ABCA5: variants seen among roughly 807,000 people sequenced by gnomAD.
ABCA5 encodes the protein ATP binding cassette subfamily A member 5.
A neutral mutation model predicts 206.0 loss-of-function variants in ABCA5; 163 were observed. The ratio of observed to expected loss-of-function variants is 0.79; its 90% CI spans 0.70 to 0.90. The LOEUF is 0.90. ABCA5 is among the 40% of genes least tolerant of loss of function. ABCA5 has a pLI of 0.00. For synonymous variants in ABCA5, 609 were observed against 613.8 expected (o/e 0.99, Z 0.11); for missense variants, 1,859 against 1,912.9 (o/e 0.97, Z 0.53).
rs1555584104 is a variant in ABCA5 at position 69,303,807 on chromosome 17, T to TACAC, written c.930+861_930+862insGTGT. On this transcript the variant is annotated intron_variant, in intron 7 of 38. Coordinates refer to ENST00000392676, the MANE Select transcript of ABCA5 (RefSeq NM_172232.4). ...AAAAATATATATATATATATATATA[T>TACAC]ACATACATATATATATATGTATATA... 4.4e-3 allele frequency among the ~76,000 whole-genome samples: 23 copies of TACAC among 5,224 alleles called. 7 individuals are homozygous for TACAC. The South Asian group carries it at 0.094, about 21-fold the overall frequency. 3.4% of individuals were successfully genotyped at this position (5,224 alleles called of 152,430 possible).
intron 23 of ABCA5, among the ~76,000 whole-genome samples, chr17:69,267,508 A>G (rs1232921377): frequency 6.6e-6 from 1 of 152,168 alleles, no homozygotes; most frequent in Non-Finnish European, 1.5e-5. Flanking sequence ...TTTTTCCATT[A>G]ATAAGAATTT....
In ABCA5 at chr17:69,304,682, T is replaced by C. The variant is rs1425313699; in HGVS notation, c.917A>G (p.Tyr306Cys). ...SIVIFLLFFL[Y>C]GLSSVFFALM... ...TAAAATACTTACAGATGATAATCCA[T>C]AAAGGAAAAAAAGCAGAAATATCAC... Residue 306 changes from tyrosine to cysteine, a missense_variant, in exon 7 of 39, where the codon TAT becomes TGT. Transcript: ENST00000392676. 6.3e-7 allele frequency: 1 copy of C among 1,587,560 alleles called. No individual in the cohort carries two copies. Among genetic ancestry groups the C allele is most frequent in the South Asian group, 1.2e-5 (1 of 86,072 alleles).
At chr17:69,318,838 T>A in intron 1 of ABCA5, 1 of 705,726 alleles carries the variant, frequency 1.4e-6, no homozygotes, top group Admixed American at 1.8e-5. Flanking sequence ...GGGGATTTGA[T>A]CCCTTTATGA....
At position 69,313,128 on chromosome 17, in the gene ABCA5, T is replaced by G; in HGVS notation, c.271A>C (p.Ile91Leu). 1 of 1,611,734 alleles carries G rather than the reference T, an allele frequency of 6.2e-7. No homozygotes were observed. The highest frequency in any genetic ancestry group is 8.5e-7 in the Non-Finnish European group (1 of 1,178,688). The change falls in exon 3 of 39, where the codon ATC (isoleucine) becomes CTC (leucine). Residue 91 changes from isoleucine (I) to leucine (L), a missense_variant. Ile to Leu is a conservative substitution (Grantham distance 5, BLOSUM62 2). Coordinates refer to ENST00000392676, the MANE Select transcript of ABCA5 (RefSeq NM_172232.4). Reference sequence around the variant, plus strand: ...TGATCAGTAGACACTTTCTGCATGATGCTGCTTGTAATATTAGTCACTGGA... The same window carrying G: ...TGATCAGTAGACACTTTCTGCATGAGGCTGCTTGTAATATTAGTCACTGGA... Reference protein sequence around the residue: ...YTPVTNITSSIMQKVSTDHLP... With the variant: ...YTPVTNITSSLMQKVSTDHLP...
intron 31 of ABCA5, among the ~76,000 whole-genome samples, chr17:69,254,808 G>A (rs1484217534): frequency 6.6e-6 from 1 of 152,110 alleles, no homozygotes; most frequent in African/African-American, 2.4e-5. Context: ...ACAGGAATGA[G>A]CCACTGCACC....
chr17:69,298,328 A>AAGGAAGGAAGGG lies in ABCA5; in HGVS notation c.1268-970_1268-969insCCCTTCCTTCCT, dbSNP rs1186647584. Among the ~76,000 whole-genome samples the AAGGAAGGAAGGG allele has an allele frequency of 1.3e-5, 2 of 148,832 alleles. 1 individual carries two copies. Among genetic ancestry groups the AAGGAAGGAAGGG allele is most frequent in the Non-Finnish European group, 3.0e-5 (2 of 66,808 alleles). The stretch of plus-strand genomic sequence containing the variant: ...AGAAAGAGAGAGAGAGGAAGGAAGG[A>AAGGAAGGAAGGG]AGGAAGGAAGGAAGGAAGGAAAGAA... On this transcript the variant is annotated intron_variant, in intron 9 of 38. Transcript: ENST00000392676.
chr17:69,277,498 T>C, intron 19 of ABCA5, 143 bp downstream of exon 19: 1 of 618,364 alleles, frequency 1.6e-6, no homozygotes, highest in Non-Finnish European at 2.6e-6. Flanking sequence ...TTTTTTTCTC[T>C]AACATTGTGA....
At chr17:69,280,275 A>G (rs1327398102) in intron 18 of ABCA5, among the ~76,000 whole-genome samples, 1 of 152,372 alleles carries the variant, frequency 6.6e-6, no homozygotes, top group African/African-American at 2.4e-5. Context: ...CAAAAGACAC[A>G]TGAAAAAACG....
chr17:69,274,494 G>T (rs982777971), intron 19 of ABCA5, among the ~76,000 whole-genome samples: 1 of 151,724 alleles, frequency 6.6e-6, no homozygotes, highest in Non-Finnish European at 1.5e-5. Context: ...AAAGTGCTGG[G>T]ATTGCAGGTG....
intron 9 of ABCA5, 73 bp from the exon 10 acceptor site, chr17:69,297,432 A>G: frequency 1.4e-6 from 2 of 1,394,680 alleles, no homozygotes; most frequent in Non-Finnish European, 9.8e-7. Flanking sequence ...TTTCAAACAT[A>G]TGACAACCTG....
chr17:69,319,676 G>A (rs890041457), intron 1 of ABCA5, among the ~76,000 whole-genome samples: 1 of 152,120 alleles, frequency 6.6e-6, no homozygotes, highest in African/African-American at 2.4e-5. Flanking sequence ...CTTACTCTAA[G>A]CTTTCTTCTA....
intron 18 of ABCA5, among the ~76,000 whole-genome samples, chr17:69,280,124 A>G (rs2075375822): frequency 6.6e-6 from 1 of 152,104 alleles, no homozygotes; most frequent in African/African-American, 2.4e-5. Context: ...AAATGTTCGC[A>G]ACCTACTCAT....
intron 34 of ABCA5, among the ~76,000 whole-genome samples, chr17:69,252,653 T>C (rs1255567446): frequency 1.3e-5 from 2 of 151,928 alleles, no homozygotes; most frequent in Non-Finnish European, 2.9e-5. Context: ...CTGGCCAACA[T>C]GGTGAAACCC....
At chr17:69,270,571 T>C in intron 22 of ABCA5, 42 bp downstream of exon 22, 2 of 1,507,596 alleles carry the variant, frequency 1.3e-6, no homozygotes, top group Non-Finnish European at 1.8e-6. Context: ...ATTATATATA[T>C]GACATGCATA....
rs1448128050 is a variant in ABCA5, at chr17:69,327,042, C to A, written c.-16+10G>T. On this transcript the variant is annotated intron_variant, in intron 1 of 38. Transcript: ENST00000392676. ...TCAAGCGCCGCCGCCGCCCGCGACG[C>A]CCGCCTCACCTCAGGGCCCGAGCCG... 2 of 158,006 alleles carry A rather than the reference C, an allele frequency of 1.3e-5. No individual in the cohort carries two copies. The highest frequency in any genetic ancestry group is 2.8e-5 in the Non-Finnish European group (2 of 72,572). 9.8% of individuals were successfully genotyped at this position (158,006 alleles called of 1,614,324 possible). A position where few individuals can be genotyped will look rare whatever the true frequency, so the allele number is the denominator to read the frequency against.
chr17:69,250,770 T>C, intron 35 of ABCA5, 149 bp from the exon 36 acceptor site: 1 of 468,410 alleles, frequency 2.1e-6, no homozygotes, highest in Non-Finnish European at 3.5e-6. Flanking sequence ...ACACTCTTTA[T>C]CCGGTTTCAG....
rs538065050 is a variant in ABCA5 at position 69,287,016 on chromosome 17, T to C, written c.2041+597A>G. Among the ~76,000 whole-genome samples the C allele has an allele frequency of 3.3e-5, 5 of 152,342 alleles. No homozygotes were observed. In the South Asian group the frequency reaches 1.0e-3, roughly 32 times the overall value. On this transcript the variant is annotated intron_variant, in intron 15 of 38. Coordinates refer to ENST00000392676, the MANE Select transcript of ABCA5 (RefSeq NM_172232.4). ...AACTTGGATTTGGGAGGGTTCCTAC[T>C]ATTCTCAAAACAGGTAAGAGTGGCT...
intron 1 of ABCA5, among the ~76,000 whole-genome samples, chr17:69,318,071 G>C (rs544911837): frequency 8.2e-4 from 124 of 151,958 alleles, no homozygotes; most frequent in African/African-American, 2.9e-3. Flanking sequence ...ACCATCTGTT[G>C]CAAGCTGGAA....
At position 69,251,778 on chromosome 17, in the gene ABCA5, G is replaced by T. The variant is rs747058800; in HGVS notation, c.4504C>A (p.Arg1502=). ...TGCCCAGACACCATGATAGCTACTC[G>T]ATCACAGACAGCCTCTGCCTCCTCC... ...YMEEAEAVCD[R]VAIMVSGQLR... The change falls in exon 35 of 39, where the codon CGA becomes AGA. Residue 1502 remains arginine, a synonymous_variant. Coordinates refer to ENST00000392676, the MANE Select transcript of ABCA5 (RefSeq NM_172232.4). The T allele has an allele frequency of 6.2e-7, 1 of 1,613,914 alleles. No individual in the cohort carries two copies. Among genetic ancestry groups the T allele is most frequent in the African/African-American group, 1.3e-5 (1 of 74,984 alleles).
Sources: gnomAD v4.1 joint callset for allele counts (sites outside exome capture counted in the v4.1 genomes callset) on GRCh38, gnomAD v4.1.1 for gene constraint, MANE v1.5 for transcripts, NCBI Gene and HGNC (gene_info 2026-07-23, HGNC 2026-07-21) for gene names.